Variants in LINGO2 observed in about 807,000 individuals in gnomAD.
LINGO2 encodes leucine-rich repeat and immunoglobulin-like domain-containing nogo receptor-interacting protein 2.
A neutral mutation model predicts 30.6 loss-of-function variants in LINGO2; 14 were observed. The observed-to-expected ratio is 0.46, with a 90% CI of 0.30 to 0.72. The LOEUF is 0.72. Ranked by LOEUF, LINGO2 falls within the 30% of genes least tolerant of loss-of-function variation. LINGO2 has a pLI of 0.07. For synonymous variants in LINGO2, 317 were observed against 288.5 expected (o/e 1.10, Z -1.00); for missense variants, 729 against 751.7 (o/e 0.97, Z 0.35).
At chr9:27,952,505 T>A (rs949824239) in intron 5 of LINGO2, among the ~76,000 whole-genome samples, 1 of 151,832 alleles carries the variant, frequency 6.6e-6, no homozygotes. Context: ...AGTAAAAAAA[T>A]TATGAAAACA....
the LINGO2 span, among the ~76,000 whole-genome samples, chr9:28,983,432 C>T: frequency 6.7e-6 from 1 of 150,326 alleles, no homozygotes; most frequent in African/African-American, 2.4e-5. Flanking sequence ...AAAACTAATA[C>T]AAAGTGAGTA....
intron 1 of LINGO2, among the ~76,000 whole-genome samples, chr9:28,627,506 C>G (rs909232664): frequency 2.0e-5 from 3 of 152,010 alleles, no homozygotes; most frequent in African/African-American, 7.2e-5. Flanking sequence ...CCCTTTTCTG[C>G]ACTAAAATAT....
chr9:27,938,240 T>A, the LINGO2 span: 1 of 152,184 alleles, frequency 6.6e-6, no homozygotes, highest in African/African-American at 2.4e-5. Flanking sequence ...AGCCAATCGA[T>A]GGCCAACACC....
At chr9:28,785,347 C>G in the LINGO2 span, among the ~76,000 whole-genome samples, 1 of 152,160 alleles carries the variant, frequency 6.6e-6, no homozygotes, top group Non-Finnish European at 1.5e-5. Context: ...GTTAGACAGG[C>G]TAATGGATGG....
chr9:28,983,536 T>A, the LINGO2 span, among the ~76,000 whole-genome samples: 1 of 151,844 alleles, frequency 6.6e-6, no homozygotes, highest in Non-Finnish European at 1.5e-5. Context: ...AGTCAAATAT[T>A]TGTATAAAAT....
At chr9:28,628,398 A>G (rs1278262080) in intron 1 of LINGO2, among the ~76,000 whole-genome samples, 2 of 152,106 alleles carry the variant, frequency 1.3e-5, no homozygotes, top group African/African-American at 2.4e-5. Flanking sequence ...ACAGTAAAAC[A>G]AATGCTACTT....
At chr9:28,106,176 G>A (rs1028483686) in intron 4 of LINGO2, among the ~76,000 whole-genome samples, 2 of 152,084 alleles carry the variant, frequency 1.3e-5, no homozygotes, top group Non-Finnish European at 1.5e-5. Context: ...CTCCGAGTCC[G>A]TGGAAAAACT....
intron 1 of LINGO2, among the ~76,000 whole-genome samples, chr9:28,667,819 C>T (rs926013096): frequency 6.6e-6 from 1 of 152,032 alleles, no homozygotes; most frequent in East Asian, 1.9e-4. Context: ...GGGCAGTTAT[C>T]CTTGGGTTTA....
the LINGO2 span, among the ~76,000 whole-genome samples, chr9:28,896,073 A>G: frequency 6.6e-6 from 1 of 152,154 alleles, no homozygotes; most frequent in African/African-American, 2.4e-5. Flanking sequence ...GGGCTCTAAC[A>G]TTTAAAAGAC....
At chr9:28,639,441 T>A (rs569453723) in intron 1 of LINGO2, among the ~76,000 whole-genome samples, 14 of 151,410 alleles carry the variant, frequency 9.2e-5, no homozygotes, top group African/African-American at 2.9e-4. Flanking sequence ...CCCATTATTA[T>A]TGTGTGGGAG....
At chr9:28,978,578 A>G in the LINGO2 span, among the ~76,000 whole-genome samples, 2 of 152,158 alleles carry the variant, frequency 1.3e-5, no homozygotes, top group Non-Finnish European at 2.9e-5. Context: ...ACAATGCCTG[A>G]CACATATTAA....
the LINGO2 span, among the ~76,000 whole-genome samples, chr9:28,886,698 C>T: frequency 2.0e-5 from 3 of 152,042 alleles, no homozygotes; most frequent in Admixed American, 6.6e-5. Context: ...TATGTAATTT[C>T]CCATAATTTA....
chr9:28,383,951 C>G (rs774271621), intron 2 of LINGO2, among the ~76,000 whole-genome samples: 1 of 151,884 alleles, frequency 6.6e-6, no homozygotes, highest in South Asian at 2.1e-4. Flanking sequence ...TATGCTAATA[C>G]AGAAAATAAA....
At position 28,561,749 on chromosome 9, in the gene LINGO2, G is replaced by GTATATATATATATATATA. The variant is rs1554637723; in HGVS notation, c.-364-85742_-364-85725dup. Among the ~76,000 whole-genome samples the GTATATATATATATATATA allele has an allele frequency of 4.1e-5, 2 of 48,754 alleles. 1 individual carries two copies. Among genetic ancestry groups the GTATATATATATATATATA allele is most frequent in the Non-Finnish European group, 7.2e-5 (2 of 27,682 alleles). The allele number at this position is 48,754 out of a possible 152,430, so 32.0% of individuals were successfully genotyped here. A position where few individuals can be genotyped will look rare whatever the true frequency, so the allele number is the denominator to read the frequency against. ...TATATATAATTTTGTGTGTGTGTGTGTATATATATATATATATATATATAT... is the reference window on the plus strand; with the variant it reads ...TATATATAATTTTGTGTGTGTGTGTGTATATATATATATATATATATATATATATATATATATATATAT... On this transcript the variant is annotated intron_variant, in intron 1 of 5. Coordinates refer to ENST00000379992, the Ensembl canonical transcript of LINGO2.
At chr9:28,500,650 T>C (rs1282376231) in intron 1 of LINGO2, among the ~76,000 whole-genome samples, 1 of 151,996 alleles carries the variant, frequency 6.6e-6, no homozygotes, top group East Asian at 1.9e-4. Flanking sequence ...AGAGTATACG[T>C]CAATGTTTCA....
At chr9:28,845,411 A>C in the LINGO2 span, among the ~76,000 whole-genome samples, 11 of 151,918 alleles carry the variant, frequency 7.2e-5, no homozygotes, top group Non-Finnish European at 1.6e-4. Flanking sequence ...CCTTTCATTA[A>C]GTTTTCCTAT....
At chr9:29,103,564 A>G in the LINGO2 span, among the ~76,000 whole-genome samples, 2 of 152,010 alleles carry the variant, frequency 1.3e-5, no homozygotes, top group Admixed American at 6.5e-5. Context: ...ATTTTTAAAT[A>G]TATTTCTTTA....
At chr9:28,808,788 G>GT in the LINGO2 span, among the ~76,000 whole-genome samples, 1 of 152,280 alleles carries the variant, frequency 6.6e-6, no homozygotes, top group Middle Eastern at 3.4e-3. Flanking sequence ...TATAAATGAT[G>GT]TTTTTATAAT....
chr9:28,097,877 A>AT (rs1826294105), intron 4 of LINGO2, among the ~76,000 whole-genome samples: 2 of 151,250 alleles, frequency 1.3e-5, no homozygotes, highest in East Asian at 1.9e-4. Flanking sequence ...ACCTCTTAAA[A>AT]AAAATTGAAG....
Sources: gnomAD v4.1 joint callset for allele counts (sites outside exome capture counted in the v4.1 genomes callset) on GRCh38, gnomAD v4.1.1 for gene constraint, MANE v1.5 for transcripts, NCBI Gene and HGNC (gene_info 2026-07-23, HGNC 2026-07-21) for gene names.